MIER1: variants seen among roughly 807,000 people sequenced by gnomAD.
MIER1 encodes mesoderm induction early response protein 1.
Under a neutral mutation model 75.7 loss-of-function variants are expected in MIER1, and 40 were observed. The ratio of observed to expected loss-of-function variants is 0.53; its 90% CI spans 0.41 to 0.69. The LOEUF is 0.69. MIER1 is among the 30% of genes least tolerant of loss of function. MIER1 has a pLI of 0.00. For synonymous variants in MIER1, 213 were observed against 223.4 expected, an observed-to-expected ratio of 0.95 and a Z score of 0.42; for missense variants, 574 against 680.2, an observed-to-expected ratio of 0.84 and a Z score of 1.74.
chr1:66,953,804 A>G (rs2101630252), intron 4 of MIER1, among the ~76,000 whole-genome samples: 1 of 151,990 alleles, frequency 6.6e-6, no homozygotes, highest in East Asian at 1.9e-4. Flanking sequence ...GGGTTCCACC[A>G]TGTTGGCCAG....
At chr1:66,977,056 A>G (rs1297004915) in intron 12 of MIER1, among the ~76,000 whole-genome samples, 3 of 152,168 alleles carry the variant, frequency 2.0e-5, no homozygotes, top group African/African-American at 7.2e-5. Context: ...CAGCTGTGAA[A>G]GCATGTTTTT....
At chr1:66,982,006 A>C in intron 13 of MIER1, 88 bp downstream of exon 13, 1 of 1,383,682 alleles carries the variant, frequency 7.2e-7, no homozygotes, top group Non-Finnish European at 1.0e-6. Context: ...GGTTTCTATT[A>C]AACTTCCAGA....
chr1:66,965,798 C>A (rs549103838), intron 8 of MIER1, among the ~76,000 whole-genome samples: 1 of 152,304 alleles, frequency 6.6e-6, no homozygotes, highest in African/African-American at 2.4e-5. Context: ...CTACCTCTCT[C>A]TTACTCCTTT....
intron 4 of MIER1, among the ~76,000 whole-genome samples, chr1:66,956,428 G>A (rs1340801774): frequency 6.6e-6 from 1 of 152,036 alleles, no homozygotes. Flanking sequence ...AATAAATCTA[G>A]CCTTTTCATT....
chr1:66,935,451 CT>C (rs1420894515), intron 2 of MIER1, among the ~76,000 whole-genome samples: 2 of 152,032 alleles, frequency 1.3e-5, no homozygotes, highest in Admixed American at 1.3e-4. Context: ...TATGTACCCC[CT>C]AAAACACTGA....
In MIER1 at chr1:66,971,701, T is replaced by G. The variant is rs750839997; in HGVS notation, c.971T>G (p.Leu324Trp). The G allele has an allele frequency of 6.6e-7, 1 of 1,516,342 alleles. No individual in the cohort carries two copies. Among genetic ancestry groups the G allele is most frequent in the Non-Finnish European group, 9.1e-7 (1 of 1,101,022 alleles). 93.9% of individuals were successfully genotyped at this position (1,516,342 alleles called of 1,614,324 possible). A position where few individuals can be genotyped will look rare whatever the true frequency, so the allele number is the denominator to read the frequency against. ...VKCNFDTEEA[L>W]RRLRFNVKAA... The stretch of plus-strand genomic sequence containing the variant: ...TGCAATTTTGATACAGAAGAAGCAT[T>G]GAGAAGATTAAGATTTAATGTAAAA... Residue 324 changes from leucine to tryptophan, a missense_variant, in exon 10 of 14, where the codon TTG (leucine) becomes TGG (tryptophan). Transcript: ENST00000401041.
Position 66,984,667 on chromosome 1 carries a change from C to G in MIER1, c.1465C>G (p.Pro489Ala), listed in dbSNP as rs757284666. ...TGGACCAACAGGTGGAAATAAGAAA[C>G]CACTTCATGCAGATATGGATACTAA... is the stretch of plus-strand genomic sequence containing the variant. ...INGPTGGNKK[P>A]LHADMDTNGY... The change falls in exon 14 of 14, where the codon CCA (proline) becomes GCA (alanine). Residue 489 changes from proline to alanine, a missense_variant. This residue lies in a region of MIER1 where 164 missense variants were observed against 154.3 expected (regional missense o/e 1.06). Coordinates refer to ENST00000401041, the MANE Select transcript of MIER1 (RefSeq NM_001077700.3). The G allele has an allele frequency of 5.1e-5, 82 of 1,613,728 alleles. No individual in the cohort carries two copies. The highest frequency in any genetic ancestry group is 6.7e-5 in the Non-Finnish European group (79 of 1,179,900).
rs1666517225 is a variant in MIER1 at position 66,984,589 on chromosome 1, C to T, written c.1387C>T (p.Pro463Ser). The change falls in exon 14 of 14, where the codon CCA becomes TCA. Residue 463 changes from proline to serine, a missense_variant. This residue lies in a region of MIER1 where 164 missense variants were observed against 154.3 expected (regional missense o/e 1.06). Transcript: ENST00000401041. ...ANQNGVSSNG[P>S]GEILNKEEVK... Reference sequence around the variant, plus strand: ...CAACTTAGGAGTGTCATCTAATGGACCAGGTGAAATATTAAACAAAGAGGA... The same window carrying T: ...CAACTTAGGAGTGTCATCTAATGGATCAGGTGAAATATTAAACAAAGAGGA... 1.0e-5 allele frequency: 16 copies of T among 1,596,126 alleles called. No homozygotes were observed. The highest frequency in any genetic ancestry group is 1.8e-5 in the Admixed American group (1 of 56,192).
chr1:66,925,527 C>A, intron 1 of MIER1: 1 of 985,452 alleles, frequency 1.0e-6, no homozygotes, highest in Non-Finnish European at 1.2e-6. Context: ...TGCACTGCAG[C>A]CTTTATGGTG....
intron 11 of MIER1, among the ~76,000 whole-genome samples, chr1:66,976,252 TTG>T (rs1664711395): frequency 5.3e-5 from 8 of 151,680 alleles, no homozygotes; most frequent in Admixed American, 6.6e-5. Flanking sequence ...TCCACCCCCC[TTG>T]GCCTCCCAAA....
chr1:66,962,765 C>T (rs1661515019), intron 7 of MIER1, among the ~76,000 whole-genome samples: 1 of 151,692 alleles, frequency 6.6e-6, no homozygotes, highest in African/African-American at 2.4e-5. Flanking sequence ...CTGAAAATAT[C>T]TGAATTTGAC....
chr1:66,976,639 G>A lies in MIER1; in HGVS notation c.1146G>A (p.Met382Ile). Residue 382 changes from methionine to isoleucine, a missense_variant, in exon 12 of 14, where the codon ATG becomes ATA. Physicochemically the swap from Met to Ile is conservative, Grantham distance 10. Around this residue, in one of 3 missense-constraint regions of MIER1, gnomAD observed 101 missense variants for 173.1 expected, o/e 0.58. Coordinates refer to ENST00000401041, the MANE Select transcript of MIER1 (RefSeq NM_001077700.3). ...SVGECVAFYY[M>I]WKKSERYDFF... ...GTGAATGTGTAGCATTCTATTACAT[G>A]TGGAAAAAATCTGAACGTTATGATT... 6.2e-7 allele frequency: 1 copy of A among 1,607,268 alleles called. No individual in the cohort carries two copies.
rs185563084 is a variant in MIER1, at chr1:66,946,967, T to C, written c.339+672T>C. 3 of 985,376 alleles carry C rather than the reference T, an allele frequency of 3.0e-6. No homozygotes were observed. In the African/African-American group the frequency reaches 5.2e-5, roughly 17 times the overall value. 61.0% of individuals were successfully genotyped at this position (985,376 alleles called of 1,614,324 possible). On this transcript the variant is annotated intron_variant, in intron 4 of 13. Coordinates refer to ENST00000401041, the MANE Select transcript of MIER1 (RefSeq NM_001077700.3). Reference sequence around the variant, plus strand: ...ACTCAAGGTTTACATGTTGGCAGTTTGTGATTCTCAGTTTGGACCTTCTTT... The same window carrying C: ...ACTCAAGGTTTACATGTTGGCAGTTCGTGATTCTCAGTTTGGACCTTCTTT...
At position 66,976,603 on chromosome 1, in the gene MIER1, A is replaced by C; in HGVS notation, c.1110A>C (p.Thr370=). The change falls in exon 12 of 14, where the codon ACA becomes ACC. Residue 370 remains threonine, a synonymous_variant. Coordinates refer to ENST00000401041, the MANE Select transcript of MIER1 (RefSeq NM_001077700.3). ...GCATTTGTTTCTTACAGGTCCGAAC[A>C]AGGTCAGTTGGTGAATGTGTAGCAT... is the stretch of plus-strand genomic sequence containing the variant. ...FHLIQANKVR[T]RSVGECVAFY... 1 of 1,589,252 alleles carries C rather than the reference A, an allele frequency of 6.3e-7. No homozygotes were observed. The highest frequency in any genetic ancestry group is 2.3e-5 in the East Asian group (1 of 44,272).
chr1:66,945,186 CA>C (rs964119055), intron 3 of MIER1, among the ~76,000 whole-genome samples: 3 of 151,590 alleles, frequency 2.0e-5, no homozygotes, highest in African/African-American at 7.3e-5. Flanking sequence ...CGTGGATGCT[CA>C]AATCCCTGAC....
intron 1 of MIER1, chr1:66,925,657 C>A: frequency 1.9e-6 from 1 of 534,860 alleles, no homozygotes; most frequent in Non-Finnish European, 2.4e-6. Context: ...TCCCTTGGGA[C>A]AGATGCCCGC....
chr1:66,955,753 G>A (rs1659996332), intron 4 of MIER1, among the ~76,000 whole-genome samples: 1 of 152,072 alleles, frequency 6.6e-6, no homozygotes, highest in Non-Finnish European at 1.5e-5. Context: ...TAACGCTTAT[G>A]TTTTTTTCCT....
At chr1:66,932,432 TTAGA>T (rs1227647930) in intron 2 of MIER1, among the ~76,000 whole-genome samples, 1 of 152,136 alleles carries the variant, frequency 6.6e-6, no homozygotes, top group Non-Finnish European at 1.5e-5. Flanking sequence ...TGGGGAAGAG[TTAGA>T]GGAACTTTCG....
intron 8 of MIER1, among the ~76,000 whole-genome samples, chr1:66,964,226 C>G (rs1247086494): frequency 6.6e-6 from 1 of 151,100 alleles, no homozygotes; most frequent in East Asian, 2.0e-4. Context: ...TGCCCACCAC[C>G]ACGCCCAGCT....
Sources: allele counts gnomAD v4.1 joint callset (sites outside exome capture counted in the v4.1 genomes callset), GRCh38; gene constraint gnomAD v4.1.1; regional missense constraint gnomAD v4.1.1; transcripts MANE v1.5; gene names NCBI Gene and HGNC (gene_info 2026-07-23, HGNC 2026-07-21).